The following CHD6 variants were observed in gnomAD, a reference collection of about 807,000 sequenced individuals.
The protein encoded by CHD6 is ATP-dependent chromatin remodeler CHD6.
In CHD6, 50 loss-of-function variants were observed where a neutral mutation model predicts 276.9. The observed-to-expected ratio is 0.18, with a 90% confidence interval of 0.14 to 0.23. The LOEUF is 0.23. Ranked by LOEUF, CHD6 falls within the 10% of genes least tolerant of loss-of-function variation. The probability of loss-of-function intolerance (pLI) is 1.00; values close to 1 mark genes in which losing one functional copy is unlikely to be tolerated. For missense variants in CHD6, 2,564 were observed against 3,365.8 expected, an observed-to-expected ratio of 0.76 and a Z score of 5.89; for synonymous variants, 1,173 against 1,229.3, an observed-to-expected ratio of 0.95 and a Z score of 0.96.
chr20:41,455,616 T>C (rs1600901155), intron 19 of CHD6, among the ~76,000 whole-genome samples, 184 bp downstream of exon 19: 1 of 152,256 alleles, frequency 6.6e-6, no homozygotes, highest in African/African-American at 2.4e-5. Context: ...GTATAGTCCC[T>C]GACTCCCTAT....
intron 27 of CHD6, among the ~76,000 whole-genome samples, chr20:41,432,597 C>A (rs533252724): frequency 2.0e-5 from 3 of 151,556 alleles, no homozygotes; most frequent in African/African-American, 7.3e-5. Flanking sequence ...GTGCCCCCCC[C>A]GACCTCTGTT....
At chr20:41,493,419 T>A (rs2043604094) in intron 10 of CHD6, 119 bp downstream of exon 10, 3 of 1,002,394 alleles carry the variant, frequency 3.0e-6, no homozygotes, top group Non-Finnish European at 4.5e-6. Flanking sequence ...CAATGAGAAG[T>A]AACAAAGGTA....
chr20:41,516,612 A>G (rs759828762), intron 3 of CHD6, among the ~76,000 whole-genome samples: 5 of 152,184 alleles, frequency 3.3e-5, no homozygotes, highest in African/African-American at 4.8e-5. Context: ...TCTTGATCAT[A>G]GCATTCTTGG....
At chr20:41,555,212 G>T (rs1243240173) in intron 1 of CHD6, among the ~76,000 whole-genome samples, 1 of 133,534 alleles carries the variant, frequency 7.5e-6, no homozygotes, top group Admixed American at 7.4e-5. Context: ...CCTCCCGGAT[G>T]GGGCGGCTGG....
chr20:41,461,754 T>G (rs1685252252), intron 17 of CHD6: 1 of 152,582 alleles, frequency 6.6e-6, no homozygotes. Flanking sequence ...TTCTCCACTG[T>G]CACTTTCTTA....
intron 2 of CHD6, 104 bp from the exon 3 acceptor site, chr20:41,533,674 G>C: frequency 1.9e-6 from 2 of 1,031,030 alleles, no homozygotes; most frequent in Non-Finnish European, 2.8e-6. Context: ...AATATTTACT[G>C]AGTTCCCACT....
rs1215931990 is a variant in CHD6, at chr20:41,452,394, T to C, written c.3323+346A>G. ...TTGATTTCTACCAGAGCCAAAGCCC[T>C]GCACGAATCATGCCTTGGCGATAAC... On this transcript the variant is annotated intron_variant, in intron 21 of 36. Coordinates refer to ENST00000373233, the MANE Select transcript of CHD6 (RefSeq NM_032221.5). The surrounding 1 kb of genome is among the most constrained non-coding windows in gnomAD (Gnocchi z 4.2). 6.6e-6 allele frequency among the ~76,000 whole-genome samples: 1 copy of C among 152,262 alleles called. No individual in the cohort carries two copies. The highest frequency in any genetic ancestry group is 1.5e-5 in the Non-Finnish European group (1 of 68,046).
chr20:41,584,813 G>C (rs2045576670), intron 1 of CHD6, among the ~76,000 whole-genome samples: 2 of 152,062 alleles, frequency 1.3e-5, no homozygotes, highest in African/African-American at 4.8e-5. Flanking sequence ...ACAGTGCTTA[G>C]ACAAAAGTTT....
intron 1 of CHD6, among the ~76,000 whole-genome samples, chr20:41,566,387 TC>T (rs1368729102): frequency 6.6e-6 from 1 of 152,052 alleles, no homozygotes; most frequent in Non-Finnish European, 1.5e-5. Context: ...GAAAAAAGTC[TC>T]CAAAGTCCCA....
intron 17 of CHD6, among the ~76,000 whole-genome samples, chr20:41,465,943 G>A (rs1354391969): frequency 2.0e-5 from 3 of 152,192 alleles, no homozygotes; most frequent in African/African-American, 2.4e-5. Flanking sequence ...GGTGGGTCAC[G>A]ACTGTAATCC....
chr20:41,552,892 G>A (rs1277644030), intron 1 of CHD6, among the ~76,000 whole-genome samples: 2 of 152,156 alleles, frequency 1.3e-5, no homozygotes, highest in Non-Finnish European at 2.9e-5. Context: ...CTAAATCAGG[G>A]AAAGGCAAGT....
chr20:41,586,801 A>G (rs1462876706), intron 1 of CHD6, among the ~76,000 whole-genome samples: 3 of 152,248 alleles, frequency 2.0e-5, no homozygotes. Flanking sequence ...AAAAACTCTC[A>G]GCAAATTTGG....
intron 31 of CHD6, among the ~76,000 whole-genome samples, chr20:41,418,979 T>C (rs1600810870): frequency 6.6e-6 from 1 of 152,216 alleles, no homozygotes; most frequent in African/African-American, 2.4e-5. Context: ...TTGTACTCAC[T>C]TGATTGCCTG....
chr20:41,403,256 C>A lies in CHD6; in HGVS notation c.*1337G>T, dbSNP rs2046579642. The A allele has an allele frequency of 2.8e-6, 3 of 1,061,948 alleles. No individual in the cohort carries two copies. The highest frequency in any genetic ancestry group is 3.3e-5 in the African/African-American group (2 of 61,020). The allele number at this position is 1,061,948 out of a possible 1,614,324, so 65.8% of individuals were successfully genotyped here. A position where few individuals can be genotyped will look rare whatever the true frequency, so the allele number is the denominator to read the frequency against. On this transcript the variant is annotated 3_prime_UTR_variant, in exon 37 of 37. Transcript: ENST00000373233. ...CAACATTTCCAAGGGTCCTGCGCAG[C>A]CCTGCGCCCCCAGAGTACTGAACCA...
chr20:41,444,666 C>G (rs1277027880), intron 25 of CHD6, among the ~76,000 whole-genome samples: 7 of 152,026 alleles, frequency 4.6e-5, no homozygotes, highest in Non-Finnish European at 1.0e-4. Flanking sequence ...AGAAAGTTAA[C>G]AACCTTCCAA....
At chr20:41,496,836 C>T (rs778817895) in intron 8 of CHD6, 7 of 155,562 alleles carry the variant, frequency 4.5e-5, no homozygotes, top group Non-Finnish European at 1.0e-4. Flanking sequence ...AGGGTTTAGT[C>T]TTTATTCCAA....
chr20:41,428,895 T>C (rs2047447007), intron 27 of CHD6, among the ~76,000 whole-genome samples: 1 of 152,148 alleles, frequency 6.6e-6, no homozygotes, highest in Admixed American at 6.5e-5. Flanking sequence ...TTTGTAAGTG[T>C]GAAAGTATAC....
chr20:41,481,193 C>A (rs967683433), intron 16 of CHD6, among the ~76,000 whole-genome samples: 14 of 151,576 alleles, frequency 9.2e-5, no homozygotes, highest in East Asian at 7.7e-4. Context: ...CCTTTTAAAG[C>A]ACATTAATTT....
intron 18 of CHD6, 95 bp from the exon 19 acceptor site, chr20:41,456,074 C>T: frequency 8.6e-7 from 1 of 1,166,892 alleles, no homozygotes; most frequent in Non-Finnish European, 1.2e-6. Context: ...CATAGTTCCT[C>T]CATGAACTAC....
Sources: allele counts gnomAD v4.1 joint callset (sites outside exome capture counted in the v4.1 genomes callset), GRCh38; gene constraint gnomAD v4.1.1; non-coding constraint Gnocchi (gnomAD v3.1); transcripts MANE v1.5; gene names NCBI Gene and HGNC (gene_info 2026-07-23, HGNC 2026-07-21).